XKR6: variants seen among roughly 807,000 people sequenced by gnomAD.
XKR6 encodes the protein XK-related protein 6.
Under a neutral mutation model 56.7 loss-of-function variants are expected in XKR6, and 22 were observed. The ratio of observed to expected loss-of-function variants is 0.39; its 90% CI spans 0.28 to 0.55. The LOEUF (loss-of-function observed/expected upper bound fraction) is 0.55, where lower values mean the gene tolerates loss of function less well. Ranked by LOEUF, XKR6 falls within the 20% of genes least tolerant of loss-of-function variation. The pLI is 0.66. For synonymous variants in XKR6, 524 were observed against 387.8 expected (o/e 1.35, Z -4.13); for missense variants, 852 against 889.0 (o/e 0.96, Z 0.53).
intron 2 of XKR6, among the ~76,000 whole-genome samples, chr8:10,899,609 A>G (rs768919768): frequency 6.6e-6 from 1 of 152,014 alleles, no homozygotes; most frequent in Non-Finnish European, 1.5e-5. Context: ...GCTTTTTCCA[A>G]CCGACTGCTG....
intron 1 of XKR6, among the ~76,000 whole-genome samples, chr8:11,019,689 C>T (rs367750225): frequency 2.6e-5 from 4 of 152,168 alleles, no homozygotes; most frequent in African/African-American, 9.7e-5. Flanking sequence ...GCTGCAGGGC[C>T]GTAACCCTGG....
chr8:11,088,393 T>C (rs1797960824), intron 1 of XKR6, among the ~76,000 whole-genome samples: 1 of 152,236 alleles, frequency 6.6e-6, no homozygotes, highest in South Asian at 2.1e-4. Flanking sequence ...GCCAGCATTA[T>C]TTATTTGGTC....
chr8:11,012,086 C>T (rs1798512890), intron 1 of XKR6, among the ~76,000 whole-genome samples: 1 of 152,208 alleles, frequency 6.6e-6, no homozygotes, highest in East Asian at 1.9e-4. Context: ...ACAGGCAGGG[C>T]CTCGCAGTCC....
At chr8:11,159,768 C>T (rs1011632399) in intron 1 of XKR6, among the ~76,000 whole-genome samples, 4 of 152,190 alleles carry the variant, frequency 2.6e-5, no homozygotes, top group Admixed American at 6.5e-5. Context: ...ATGGGGTATA[C>T]AACAATTCTA....
At chr8:11,079,230 G>A (rs551126090) in intron 1 of XKR6, among the ~76,000 whole-genome samples, 15 of 152,356 alleles carry the variant, frequency 9.8e-5, no homozygotes, top group Middle Eastern at 3.4e-3. Context: ...TGTCTGCAAT[G>A]GCAAGAGGAA....
intron 1 of XKR6, among the ~76,000 whole-genome samples, chr8:10,995,290 G>A (rs1798083848): frequency 6.6e-6 from 1 of 151,304 alleles, no homozygotes; most frequent in Non-Finnish European, 1.5e-5. Context: ...TGAAGCAGGT[G>A]GATCACTTGA....
At chr8:11,049,780 T>A (rs958646188) in intron 1 of XKR6, among the ~76,000 whole-genome samples, 1 of 152,166 alleles carries the variant, frequency 6.6e-6, no homozygotes, top group African/African-American at 2.4e-5. Flanking sequence ...TAACCAAATC[T>A]GTTGGGCAGA....
intron 1 of XKR6, among the ~76,000 whole-genome samples, chr8:11,042,793 C>G (rs983143191): frequency 8.8e-6 from 1 of 113,812 alleles, no homozygotes; most frequent in African/African-American, 4.8e-5. Flanking sequence ...GCTACCTGGA[C>G]TAACATTTGG....
chr8:11,017,379 C>T (rs543308701), intron 1 of XKR6, among the ~76,000 whole-genome samples: 5 of 152,354 alleles, frequency 3.3e-5, no homozygotes, highest in East Asian at 3.9e-4. Flanking sequence ...CTGCTTACGC[C>T]GGGCAAACTG....
intron 1 of XKR6, among the ~76,000 whole-genome samples, chr8:11,078,872 G>C (rs967753875): frequency 6.6e-6 from 1 of 152,228 alleles, no homozygotes; most frequent in Admixed American, 6.5e-5. Context: ...CCTCCCAAGG[G>C]GGGCCAGAGG....
At chr8:11,148,347 AAAGCCCATGTAAC>A in intron 1 of XKR6, among the ~76,000 whole-genome samples, 1 of 152,260 alleles carries the variant, frequency 6.6e-6, no homozygotes. Flanking sequence ...TGCTCAGAGC[AAAGCCCATGTAAC>A]AAGGCAGGTG....
chr8:11,123,459 G>C (rs1342044946), intron 1 of XKR6: 3 of 168,934 alleles, frequency 1.8e-5, no homozygotes, highest in Non-Finnish European at 3.9e-5. Context: ...GGCAACTAAA[G>C]TAGTCACATT....
At chr8:11,161,087 G>A (rs1241082703) in intron 1 of XKR6, among the ~76,000 whole-genome samples, 2 of 152,048 alleles carry the variant, frequency 1.3e-5, no homozygotes, top group Admixed American at 6.5e-5. Context: ...AAAGTTAAGA[G>A]GACTTGTTAA....
chr8:11,158,220 G>A lies in XKR6; in HGVS notation c.764+42356C>T, dbSNP rs118025861. ...GGAAATACAGTGTGCAATGGAAGCA[G>A]AGAGCAGAAGCATCTAACGGTCTGA... On this transcript the variant is annotated intron_variant, in intron 1 of 2. Transcript: ENST00000416569. Among the ~76,000 whole-genome samples, 984 of 152,328 alleles carry A rather than the reference G, an allele frequency of 6.5e-3. 3 individuals are homozygous for A. Among genetic ancestry groups the A allele is most frequent in the Non-Finnish European group, 9.7e-3 (657 of 68,024 alleles).
At chr8:10,919,200 G>A (rs1800645207) in intron 2 of XKR6, among the ~76,000 whole-genome samples, 1 of 152,100 alleles carries the variant, frequency 6.6e-6, no homozygotes, top group Admixed American at 6.6e-5. Context: ...TTCCCTCAGG[G>A]CCTTTGTGCA....
At chr8:11,054,109 C>T (rs183530830) in intron 1 of XKR6, among the ~76,000 whole-genome samples, 4 of 152,136 alleles carry the variant, frequency 2.6e-5, no homozygotes, top group Admixed American at 2.0e-4. Flanking sequence ...GGTGAAAGTT[C>T]CAAGCATGCA....
chr8:11,080,845 G>A (rs10108304), intron 1 of XKR6, among the ~76,000 whole-genome samples: 33,478 of 152,200 alleles, frequency 0.22, 4,097 homozygotes, highest in African/African-American at 0.32. Flanking sequence ...ACTGTTTGCC[G>A]GTCGAAGCTG....
chr8:11,144,635 A>G (rs1800886140), intron 1 of XKR6, among the ~76,000 whole-genome samples: 1 of 152,104 alleles, frequency 6.6e-6, no homozygotes, highest in Admixed American at 6.6e-5. Context: ...ACTCAGGCAG[A>G]TACCTCGATA....
At chr8:10,992,157 G>C (rs1798007935) in intron 1 of XKR6, among the ~76,000 whole-genome samples, 1 of 152,182 alleles carries the variant, frequency 6.6e-6, no homozygotes. Context: ...TCATCACCCT[G>C]CCTGTTGCTG....
Sources: gnomAD v4.1 joint callset for allele counts (sites outside exome capture counted in the v4.1 genomes callset) on GRCh38, gnomAD v4.1.1 for gene constraint, MANE v1.5 for transcripts, NCBI Gene and HGNC (gene_info 2026-07-23, HGNC 2026-07-21) for gene names.